The following GLRA3 variants were observed in gnomAD, a reference collection of about 807,000 sequenced individuals.
GLRA3 encodes the protein glycine receptor alpha 3.
Under a neutral mutation model 60.4 loss-of-function variants are expected in GLRA3, and 44 were observed. The observed-to-expected ratio is 0.73, with a 90% CI of 0.57 to 0.94. The LOEUF is 0.94. GLRA3 is among the 40% of genes least tolerant of loss of function. The pLI, the probability that GLRA3 is intolerant of heterozygous loss-of-function variation, is 0.00. For missense variants in GLRA3, 508 were observed against 564.6 expected, an observed-to-expected ratio of 0.90 and a Z score of 1.02; for synonymous variants, 223 against 192.9, an observed-to-expected ratio of 1.16 and a Z score of -1.29.
intron 3 of GLRA3, among the ~76,000 whole-genome samples, chr4:174,730,748 C>G (rs1309543739): frequency 6.6e-6 from 1 of 152,096 alleles, no homozygotes. Context: ...AAGGAAAAAG[C>G]AACAGTCACC....
At chr4:174,649,070 A>G (rs1652161479) in intron 9 of GLRA3, among the ~76,000 whole-genome samples, 1 of 152,194 alleles carries the variant, frequency 6.6e-6, no homozygotes, top group South Asian at 2.1e-4. Flanking sequence ...CAGTTAAGGC[A>G]GCTGAAAGAA....
chr4:174,755,762 T>A (rs1383471157), intron 3 of GLRA3, among the ~76,000 whole-genome samples: 1 of 152,080 alleles, frequency 6.6e-6, no homozygotes, highest in South Asian at 2.1e-4. Flanking sequence ...TACAGTATAG[T>A]AATTTCTGCA....
chr4:174,740,453 T>A (rs1736974110), intron 3 of GLRA3, among the ~76,000 whole-genome samples: 1 of 152,038 alleles, frequency 6.6e-6, no homozygotes, highest in African/African-American at 2.4e-5. Context: ...GGCATATGAA[T>A]GAAACCATTT....
At chr4:174,713,408 C>T (rs1735795964) in intron 5 of GLRA3, among the ~76,000 whole-genome samples, 2 of 152,120 alleles carry the variant, frequency 1.3e-5, no homozygotes, top group African/African-American at 2.4e-5. Flanking sequence ...CCCTCAGGCA[C>T]TGTACTTTTT....
chr4:174,719,059 G>T (rs955712305), intron 4 of GLRA3, among the ~76,000 whole-genome samples: 1 of 150,818 alleles, frequency 6.6e-6, no homozygotes, highest in Non-Finnish European at 1.5e-5. Flanking sequence ...GCCCCCTGGG[G>T]TTCACCCCAT....
intron 3 of GLRA3, among the ~76,000 whole-genome samples, chr4:174,744,566 A>C (rs1202807504): frequency 6.6e-6 from 1 of 152,242 alleles, no homozygotes; most frequent in Non-Finnish European, 1.5e-5. Context: ...AGTCAAGTAA[A>C]TCATACAAAG....
chr4:174,656,831 G>C (rs758728743), intron 8 of GLRA3, 44 bp from the exon 9 acceptor site: 1 of 1,097,996 alleles, frequency 9.1e-7, no homozygotes, highest in Admixed American at 1.7e-5. Context: ...AGAAACCAGA[G>C]AATCAATTCA....
At chr4:174,719,098 G>A (rs1343015526) in intron 4 of GLRA3, among the ~76,000 whole-genome samples, 1 of 151,150 alleles carries the variant, frequency 6.6e-6, no homozygotes, top group African/African-American at 2.4e-5. Flanking sequence ...CGAGTAGCTG[G>A]GACTACAGGC....
At chr4:174,653,490 A>G (rs1186638867) in intron 9 of GLRA3, among the ~76,000 whole-genome samples, 1 of 151,976 alleles carries the variant, frequency 6.6e-6, no homozygotes, top group Non-Finnish European at 1.5e-5. Flanking sequence ...TTTATTATAG[A>G]TGACATCTGA....
At chr4:174,786,626 C>T (rs988085123) in intron 2 of GLRA3, among the ~76,000 whole-genome samples, 6 of 152,042 alleles carry the variant, frequency 3.9e-5, no homozygotes, top group Admixed American at 6.6e-5. Context: ...TGAAATGACA[C>T]GGTGTTGAAT....
intron 2 of GLRA3, among the ~76,000 whole-genome samples, chr4:174,769,491 T>C (rs1383336959): frequency 6.6e-6 from 1 of 152,124 alleles, no homozygotes; most frequent in Admixed American, 6.6e-5. Context: ...CGTTAACTTA[T>C]CCACAAGCCC....
chr4:174,743,446 T>C (rs1029923850), intron 3 of GLRA3, among the ~76,000 whole-genome samples: 5 of 152,160 alleles, frequency 3.3e-5, no homozygotes, highest in Non-Finnish European at 5.9e-5. Context: ...CTTTTTGAGA[T>C]ATACCAGCCA....
intron 7 of GLRA3, among the ~76,000 whole-genome samples, chr4:174,661,237 T>C (rs558576962): frequency 2.6e-5 from 4 of 152,222 alleles, no homozygotes; most frequent in African/African-American, 9.6e-5. Flanking sequence ...CATCTCTATC[T>C]ATCCATCTAT....
chr4:174,763,401 T>C (rs1738010316), intron 3 of GLRA3, among the ~76,000 whole-genome samples: 1 of 152,198 alleles, frequency 6.6e-6, no homozygotes, highest in Non-Finnish European at 1.5e-5. Flanking sequence ...CAATGAACTT[T>C]CTTTCAAAAC....
At chr4:174,691,628 G>A (rs1009908151) in intron 5 of GLRA3, among the ~76,000 whole-genome samples, 4 of 152,198 alleles carry the variant, frequency 2.6e-5, no homozygotes, top group Non-Finnish European at 5.9e-5. Context: ...TCGTAACCGC[G>A]AGTGATCCGC....
At position 174,637,808 on chromosome 4, in the gene GLRA3, C is replaced by T. The variant is rs547247698; in HGVS notation, c.*5978G>A. ...AAAAATATTTAATTTAAATTTATTG[C>T]TGTTATAGGAAGACATTAACAGTTA... On this transcript the variant is annotated 3_prime_UTR_variant, in exon 10 of 10. Coordinates refer to ENST00000274093, the MANE Select transcript of GLRA3 (RefSeq NM_006529.4). 1.2e-3 allele frequency: 179 copies of T among 151,882 alleles called. 2 individuals carry two copies. Among genetic ancestry groups the T allele is most frequent in the African/African-American group, 4.0e-3 (164 of 41,390 alleles). The allele number at this position is 151,882 out of a possible 1,614,324, so 9.4% of individuals were successfully genotyped here. A position where few individuals can be genotyped will look rare whatever the true frequency, so the allele number is the denominator to read the frequency against.
At chr4:174,797,237 G>A (rs1739609141) in intron 1 of GLRA3, among the ~76,000 whole-genome samples, 1 of 152,174 alleles carries the variant, frequency 6.6e-6, no homozygotes, top group Non-Finnish European at 1.5e-5. Context: ...AAACCTCCTA[G>A]TTTCAACAGA....
Position 174,762,062 on chromosome 4 carries a change from T to A in GLRA3, c.267+4901A>T, listed in dbSNP as rs572136643. ...CAAAAAGATTCACTGAATGAATGAA[T>A]GCATAAACCATGTAAAAAATATGTG... is the stretch of plus-strand genomic sequence containing the variant. On this transcript the variant is annotated intron_variant, in intron 3 of 9. Transcript: ENST00000274093. Among the ~76,000 whole-genome samples the A allele has an allele frequency of 2.7e-4, 41 of 152,294 alleles. No individual in the cohort carries two copies. In the South Asian group the frequency reaches 8.5e-3, roughly 32 times the overall value.
chr4:174,774,385 TG>T (rs1738512255), intron 2 of GLRA3, among the ~76,000 whole-genome samples: 1 of 152,044 alleles, frequency 6.6e-6, no homozygotes. Flanking sequence ...TGTGTATGTG[TG>T]TGTGTGCATG....
Sources: gnomAD v4.1 joint callset for allele counts (sites outside exome capture counted in the v4.1 genomes callset) on GRCh38, gnomAD v4.1.1 for gene constraint, MANE v1.5 for transcripts, NCBI Gene and HGNC (gene_info 2026-07-23, HGNC 2026-07-21) for gene names.